The following SHCBP1L variants were observed in gnomAD, a reference collection of about 807,000 sequenced individuals.
SHCBP1L encodes testicular spindle-associated protein SHCBP1L.
Under a neutral mutation model 62.5 loss-of-function variants are expected in SHCBP1L, and 67 were observed. The ratio of observed to expected loss-of-function variants is 1.07; its 90% CI spans 0.88 to 1.31. The LOEUF is 1.31. Ranked by LOEUF, SHCBP1L falls within the 40% of genes most tolerant of loss-of-function variation. The pLI, the probability that SHCBP1L is intolerant of heterozygous loss-of-function variation, is 0.00. For synonymous variants in SHCBP1L, 284 were observed against 289.4 expected (o/e 0.98, Z 0.19); for missense variants, 823 against 809.8 (o/e 1.02, Z -0.20).
intron 5 of SHCBP1L, among the ~76,000 whole-genome samples, chr1:182,930,344 A>C (rs892184874): frequency 6.6e-6 from 1 of 151,354 alleles, no homozygotes; most frequent in African/African-American, 2.4e-5. Context: ...TCCTGTTCGT[A>C]TCTCTATCAT....
intron 6 of SHCBP1L, among the ~76,000 whole-genome samples, chr1:182,915,705 A>C (rs1650334883): frequency 6.6e-6 from 1 of 152,192 alleles, no homozygotes; most frequent in Non-Finnish European, 1.5e-5. Context: ...AACAAGTCTC[A>C]ATAAATACAT....
rs1649943334 is a variant in SHCBP1L, at chr1:182,904,516, AAAGT to A, written c.1337-90_1337-87del. On this transcript the variant is annotated intron_variant, in intron 7 of 9. Transcript: ENST00000367547. The stretch of plus-strand genomic sequence containing the variant: ...GTCATTCAACAATACTGCTGTTACT[AAAGT>A]TTTTCCCTGTGTGCGTGTGTGTGTG... 2.1e-6 allele frequency: 3 copies of A among 1,442,454 alleles called. No homozygotes were observed. The Admixed American group carries it at 5.6e-5, about 27-fold the overall frequency. The allele number at this position is 1,442,454 out of a possible 1,614,324, so 89.4% of individuals were successfully genotyped here.
At chr1:182,927,529 G>C (rs1650811714) in intron 6 of SHCBP1L, among the ~76,000 whole-genome samples, 1 of 152,068 alleles carries the variant, frequency 6.6e-6, no homozygotes. Context: ...AAAATTAGCC[G>C]GGCGTAGTGG....
At chr1:182,905,445 T>G (rs1042064358) in intron 7 of SHCBP1L, 51 bp downstream of exon 7, 2 of 1,537,546 alleles carry the variant, frequency 1.3e-6, no homozygotes, top group African/African-American at 2.8e-5. Context: ...AATACACAAT[T>G]TGTCCAGTAT....
chr1:182,951,529 GGTT>G, intron 1 of SHCBP1L, 62 bp from the exon 2 acceptor site: 1 of 1,104,606 alleles, frequency 9.1e-7, no homozygotes. Context: ...TAAACTAAGT[GGTT>G]TTTTTTTTTT....
chr1:182,952,622 CGTT>C, intron 1 of SHCBP1L, 104 bp downstream of exon 1: 1 of 1,336,816 alleles, frequency 7.5e-7, no homozygotes, highest in Non-Finnish European at 1.0e-6. Context: ...CGCAAGTTTT[CGTT>C]GTGCCCTGTG....
At chr1:182,946,218 C>T (rs1164726756) in intron 2 of SHCBP1L, among the ~76,000 whole-genome samples, 1 of 152,028 alleles carries the variant, frequency 6.6e-6, no homozygotes, top group African/African-American at 2.4e-5. Context: ...TAAGTGGGCC[C>T]TTTCAGTCTA....
At position 182,933,969 on chromosome 1, in the gene SHCBP1L, T is replaced by C. The variant is rs79725539; in HGVS notation, c.1077-4217A>G. On this transcript the variant is annotated intron_variant, in intron 5 of 9. Transcript: ENST00000367547. The stretch of plus-strand genomic sequence containing the variant: ...AAGACATCTAGTCCTTGACTTTCCT[T>C]TGTGAGTAGTTTTTCATTTGCTAAT... Among the ~76,000 whole-genome samples the C allele has an allele frequency of 1.4e-3, 214 of 152,292 alleles. 2 individuals carry two copies. In the East Asian group the frequency reaches 0.033, roughly 24 times the overall value.
rs150548274 is a variant in SHCBP1L, at chr1:182,913,330, C to A, written c.1183-7681G>T. On this transcript the variant is annotated intron_variant, in intron 6 of 9. Coordinates refer to ENST00000367547, the MANE Select transcript of SHCBP1L (RefSeq NM_030933.4). ...AGAGGAGCAGTTTTGGAGGCTGAGT[C>A]TCCAACCTGTAGAATGTGACACTAT... Among the ~76,000 whole-genome samples the A allele has an allele frequency of 2.0e-5, 3 of 152,248 alleles. No individual in the cohort carries two copies. In the East Asian group the frequency reaches 5.8e-4, roughly 29 times the overall value.
At chr1:182,910,372 G>C (rs894206759) in intron 6 of SHCBP1L, among the ~76,000 whole-genome samples, 5 of 152,204 alleles carry the variant, frequency 3.3e-5, no homozygotes, top group African/African-American at 1.2e-4. Flanking sequence ...GCTGGTGCCA[G>C]CAGGCCACCA....
rs1305253381 is a variant in SHCBP1L at position 182,900,084 on chromosome 1, C to G, written c.1861G>C (p.Asp621His). 1 of 1,612,558 alleles carries G rather than the reference C, an allele frequency of 6.2e-7. No individual in the cohort carries two copies. Among genetic ancestry groups the G allele is most frequent in the Non-Finnish European group, 8.5e-7 (1 of 1,179,280 alleles). The stretch of plus-strand genomic sequence containing the variant: ...TGCATTACTTTGAAGAGCATTTTAT[C>G]ATCTTTTTTATCTCCTGAAGAAGCC... ...KRASSGDKKD[D>H]KMLFKVMQNL... Residue 621 changes from aspartate (D) to histidine (H), a missense_variant, in exon 10 of 10, where the codon GAT (aspartate) becomes CAT (histidine). Transcript: ENST00000367547.
At chr1:182,937,611 C>G (rs1044776979) in intron 5 of SHCBP1L, among the ~76,000 whole-genome samples, 1 of 152,086 alleles carries the variant, frequency 6.6e-6, no homozygotes, top group African/African-American at 2.4e-5. Context: ...TTCTTCTGAT[C>G]CATTTGCTCT....
At chr1:182,909,708 G>C (rs577268402) in intron 6 of SHCBP1L, among the ~76,000 whole-genome samples, 1 of 152,136 alleles carries the variant, frequency 6.6e-6, no homozygotes, top group African/African-American at 2.4e-5. Context: ...GAGTACACAC[G>C]GATTTGGATA....
rs4454509 is a variant in SHCBP1L at position 182,925,224 on chromosome 1, C to T, written c.1182+4423G>A. ...TAGCATCCCCTAAGTGGCAATAAAG[C>T]GCACAAAAGGAAGTGAAAAAGCCTA... On this transcript the variant is annotated intron_variant, in intron 6 of 9. Transcript: ENST00000367547. Among the ~76,000 whole-genome samples, 211 of 151,956 alleles carry T rather than the reference C, an allele frequency of 1.4e-3. 3 individuals carry two copies. The East Asian group carries it at 0.035, about 25-fold the overall frequency.
chr1:182,952,232 A>G, intron 1 of SHCBP1L, among the ~76,000 whole-genome samples: 1 of 84,890 alleles, frequency 1.2e-5, no homozygotes, highest in Non-Finnish European at 2.1e-5. Flanking sequence ...ATATATATAT[A>G]TATACACACA....
chr1:182,943,049 G>A (rs1330480418), intron 2 of SHCBP1L, among the ~76,000 whole-genome samples: 1 of 152,064 alleles, frequency 6.6e-6, no homozygotes, highest in African/African-American at 2.4e-5. Flanking sequence ...TTTGTGACAG[G>A]ACAAAAATAT....
chr1:182,899,955 A>G lies in SHCBP1L; in HGVS notation c.*28T>C. 1 of 1,543,092 alleles carries G rather than the reference A, an allele frequency of 6.5e-7. No homozygotes were observed. The highest frequency in any genetic ancestry group is 8.7e-7 in the Non-Finnish European group (1 of 1,146,750). On this transcript the variant is annotated 3_prime_UTR_variant, in exon 10 of 10. Transcript: ENST00000367547. ...CATGTATTAAACAAATTTGTGAAATATAAAACTTTAACATCAATTCAGACG... is the reference window on the plus strand; with the variant it reads ...CATGTATTAAACAAATTTGTGAAATGTAAAACTTTAACATCAATTCAGACG...
At chr1:182,924,782 A>AAGAGAG (rs1557996850) in intron 6 of SHCBP1L, among the ~76,000 whole-genome samples, 5 of 101,312 alleles carry the variant, frequency 4.9e-5, no homozygotes, top group African/African-American at 3.5e-4. Flanking sequence ...GAAAGAAAGA[A>AAGAGAG]AGAAAGAGAG....
intron 1 of SHCBP1L, among the ~76,000 whole-genome samples, chr1:182,952,179 AAAAAAAAAAAAAATATATATAT>A (rs1651775720): frequency 2.3e-5 from 1 of 44,404 alleles, no homozygotes; most frequent in Admixed American, 3.7e-4. Flanking sequence ...AAAAAAAAAA[AAAAAAAAAAAAAATATATATAT>A]ATATATATAT....
Sources: gnomAD v4.1 joint callset for allele counts (sites outside exome capture counted in the v4.1 genomes callset) on GRCh38, gnomAD v4.1.1 for gene constraint, MANE v1.5 for transcripts, NCBI Gene and HGNC (gene_info 2026-07-23, HGNC 2026-07-21) for gene names.